PHEX: variants seen among roughly 807,000 people sequenced by gnomAD.
The protein encoded by PHEX is phosphate-regulating neutral endopeptidase PHEX.
PHEX carries 16 observed loss-of-function variants against 68.0 expected under a neutral mutation model. The observed-to-expected ratio is 0.24, with a 90% CI of 0.16 to 0.36. The LOEUF is 0.36. PHEX is among the 10% of genes least tolerant of loss of function. The pLI is 1.00. For missense variants in PHEX, 480 were observed against 575.5 expected (o/e 0.83, Z 1.70); for synonymous variants, 208 against 205.1 (o/e 1.01, Z -0.12).
At chrX:22,124,350 T>C (rs757720777) in intron 11 of PHEX, among the ~76,000 whole-genome samples, 2 of 112,513 alleles carry the variant, frequency 1.8e-5, no homozygotes, top group Non-Finnish European at 3.7e-5. Context: ...GCCACGACGA[T>C]GACACATTGG....
At chrX:22,240,909 G>T (rs1219620015) in intron 20 of PHEX, among the ~76,000 whole-genome samples, 1 of 111,607 alleles carries the variant, frequency 9.0e-6, no homozygotes, top group East Asian at 2.8e-4. Context: ...CTCAGCTCTG[G>T]ACCAAGTGGA....
intron 12 of PHEX, among the ~76,000 whole-genome samples, chrX:22,141,480 C>T (rs1436791689): frequency 1.8e-5 from 2 of 110,928 alleles, no homozygotes; most frequent in African/African-American, 6.6e-5. Context: ...TGGCTCATAA[C>T]GAATTTCTAG....
chrX:22,094,577 CTGGA>C (rs1748357583), intron 7 of PHEX, among the ~76,000 whole-genome samples: 1 of 112,583 alleles, frequency 8.9e-6, no homozygotes, highest in African/African-American at 3.2e-5. Context: ...TCCACCAATA[CTGGA>C]TATAAAAGTT....
intron 12 of PHEX, among the ~76,000 whole-genome samples, chrX:22,149,651 G>A (rs1239197781): frequency 8.9e-6 from 1 of 112,641 alleles, no homozygotes; most frequent in African/African-American, 3.2e-5. Context: ...CTACTCGGGA[G>A]GCTGAGGCAG....
In PHEX at chrX:22,249,458, ATATATATAT is replaced by A. The variant is rs1569100275; in HGVS notation, c.*1506_*1514del. 3.3e-4 allele frequency: 13 copies of A among 39,072 alleles called. No individual in the cohort carries two copies. Among genetic ancestry groups the A allele is most frequent in the Non-Finnish European group, 4.1e-4 (9 of 21,819 alleles). 3.2% of individuals were successfully genotyped at this position (39,072 alleles called of 1,213,427 possible). A position where few individuals can be genotyped will look rare whatever the true frequency, so the allele number is the denominator to read the frequency against. ...TGATTCTTTTAAAAAAAAAAAAAAT[ATATATATAT>A]ATATATATATATATATATATGTATA... On this transcript the variant is annotated 3_prime_UTR_variant, in exon 22 of 22. Coordinates refer to ENST00000379374, the MANE Select transcript of PHEX (RefSeq NM_000444.6).
rs1213298054 is a variant in PHEX, at chrX:22,037,434, A to G, written c.119-1035A>G. On this transcript the variant is annotated intron_variant, in intron 1 of 21. Coordinates refer to ENST00000379374, the MANE Select transcript of PHEX (RefSeq NM_000444.6). ...GTTTCTGCTCACAGAGCACAGCAAG[A>G]ATGAATTCCCCAGAATTTCCTCAGC... Among the ~76,000 whole-genome samples, 3 of 111,566 alleles carry G rather than the reference A, an allele frequency of 2.7e-5. No individual in the cohort carries two copies. The Admixed American group carries it at 2.9e-4, about 11-fold the overall frequency.
At chrX:22,153,345 C>T (rs1012156297) in intron 12 of PHEX, among the ~76,000 whole-genome samples, 1 of 112,004 alleles carries the variant, frequency 8.9e-6, no homozygotes, top group Non-Finnish European at 1.9e-5. Context: ...ATGTAGCATA[C>T]ATTTTGGAAA....
chrX:22,226,322 ATG>A (rs1404122134), intron 18 of PHEX, 119 bp from the exon 19 acceptor site: 18 of 546,509 alleles, frequency 3.3e-5, no homozygotes, highest in Non-Finnish European at 3.8e-5. Context: ...GATTTATTGA[ATG>A]TGATTTTCTC....
intron 14 of PHEX, among the ~76,000 whole-genome samples, chrX:22,179,176 G>A (rs1310589758): frequency 9.1e-6 from 1 of 110,411 alleles, no homozygotes; most frequent in African/African-American, 3.3e-5. Flanking sequence ...TGGTGCTTTT[G>A]ATTCCTGGGA....
At chrX:22,181,525 T>C (rs1291167599) in intron 14 of PHEX, among the ~76,000 whole-genome samples, 2 of 111,760 alleles carry the variant, frequency 1.8e-5, no homozygotes, top group Non-Finnish European at 3.8e-5. Flanking sequence ...ATTCTTCCAG[T>C]TTTGTTGTTT....
chrX:22,246,906 A>T (rs1416610452), intron 21 of PHEX, among the ~76,000 whole-genome samples: 1 of 111,809 alleles, frequency 8.9e-6, no homozygotes, highest in Non-Finnish European at 1.9e-5. Context: ...GAGTTGAGTA[A>T]GAAATAGAAG....
chrX:22,233,612 A>G (rs1935850154), intron 20 of PHEX, among the ~76,000 whole-genome samples: 1 of 110,915 alleles, frequency 9.0e-6, no homozygotes, highest in Non-Finnish European at 1.9e-5. Flanking sequence ...GGCTATTGAT[A>G]CTTGTGTATG....
chrX:22,042,523 G>A (rs914779123), intron 2 of PHEX, among the ~76,000 whole-genome samples: 2 of 112,470 alleles, frequency 1.8e-5, no homozygotes, highest in Non-Finnish European at 3.8e-5. Flanking sequence ...GGTGGCTCTC[G>A]CCTGCCACCC....
intron 20 of PHEX, 34 bp downstream of exon 20, chrX:22,227,645 G>C (rs751625146): frequency 4.1e-6 from 4 of 969,296 alleles, no homozygotes; most frequent in Admixed American, 4.4e-5. Context: ...TCAGGGATGA[G>C]ATGCAGGACT....
chrX:22,150,926 A>T (rs1338798996), intron 12 of PHEX, among the ~76,000 whole-genome samples: 1 of 112,201 alleles, frequency 8.9e-6, no homozygotes, highest in Non-Finnish European at 1.9e-5. Context: ...CAATGGATCG[A>T]AACAGAGCTA....
At chrX:22,197,832 A>T (rs186904637) in intron 15 of PHEX, among the ~76,000 whole-genome samples, 2 of 110,408 alleles carry the variant, frequency 1.8e-5, no homozygotes, top group African/African-American at 6.6e-5. Context: ...TGAGCTCTGA[A>T]GTATGACAGT....
At chrX:22,230,354 A>C (rs1174424483) in intron 20 of PHEX, among the ~76,000 whole-genome samples, 1 of 102,752 alleles carries the variant, frequency 9.7e-6, no homozygotes, top group Non-Finnish European at 2.0e-5. Flanking sequence ...ATCTCTCTCT[A>C]AATTACTTTG....
intron 9 of PHEX, among the ~76,000 whole-genome samples, chrX:22,105,872 G>A (rs1222956218): frequency 9.0e-6 from 1 of 111,562 alleles, no homozygotes; most frequent in Non-Finnish European, 1.9e-5. Flanking sequence ...TTCTGATTTT[G>A]GATTTATTCA....
intron 3 of PHEX, among the ~76,000 whole-genome samples, chrX:22,073,139 T>A (rs920429363): frequency 9.0e-6 from 1 of 111,470 alleles, no homozygotes; most frequent in South Asian, 3.8e-4. Flanking sequence ...GCCAACAATA[T>A]CCTGAGAAGC....
Sources: gnomAD v4.1 joint callset for allele counts (sites outside exome capture counted in the v4.1 genomes callset) on GRCh38, gnomAD v4.1.1 for gene constraint, MANE v1.5 for transcripts, NCBI Gene and HGNC (gene_info 2026-07-23, HGNC 2026-07-21) for gene names.